Variants in EPHA3 observed in about 807,000 individuals in gnomAD.
The protein encoded by EPHA3 is ephrin type-A receptor 3.
In EPHA3, 42 loss-of-function variants were observed where a neutral mutation model predicts 107.1. The observed-to-expected ratio is 0.39, with a 90% CI of 0.31 to 0.51. The LOEUF (loss-of-function observed/expected upper bound fraction) is 0.51, where lower values mean the gene tolerates loss of function less well. Ranked by LOEUF, EPHA3 falls within the 20% of genes least tolerant of loss-of-function variation. The pLI is 0.78. For synonymous variants in EPHA3, 461 were observed against 424.8 expected (o/e 1.09, Z -1.05); for missense variants, 1,183 against 1,211.2 (o/e 0.98, Z 0.35).
chr3:89,472,415 A>G (rs756467552), intron 15 of EPHA3, 49 bp from the exon 16 acceptor site: 2 of 1,582,416 alleles, frequency 1.3e-6, no homozygotes, highest in Non-Finnish European at 1.7e-6. Flanking sequence ...ACACACAGCA[A>G]CTCTGCTGAC....
rs528006246 is a variant in EPHA3 at position 89,235,523 on chromosome 3, A to G, written c.814+25003A>G. 4.0e-4 allele frequency among the ~76,000 whole-genome samples: 61 copies of G among 152,140 alleles called. 1 individual carries two copies. Among genetic ancestry groups the G allele is most frequent in the Admixed American group, 3.7e-3 (57 of 15,290 alleles). On this transcript the variant is annotated intron_variant, in intron 3 of 16. Transcript: ENST00000336596. Reference sequence around the variant, plus strand: ...ATATTATAGATAATTCTTGCCTTTCATTTCTTCATATGCATGTAAGAGTGA... The same window carrying G: ...ATATTATAGATAATTCTTGCCTTTCGTTTCTTCATATGCATGTAAGAGTGA...
intron 2 of EPHA3, among the ~76,000 whole-genome samples, chr3:89,151,122 ACTG>A (rs746747269): frequency 1.3e-4 from 20 of 152,122 alleles, no homozygotes; most frequent in Non-Finnish European, 2.5e-4. Flanking sequence ...AAAAGGAACA[ACTG>A]ATGATGCATA....
intron 16 of EPHA3, 47 bp from the exon 17 acceptor site, chr3:89,479,350 T>C: frequency 2.7e-6 from 4 of 1,467,162 alleles, no homozygotes; most frequent in Non-Finnish European, 3.8e-6. Context: ...CTCCTGCTTA[T>C]ACACTATCGA....
At chr3:89,197,566 T>C (rs1188795695) in intron 2 of EPHA3, among the ~76,000 whole-genome samples, 1 of 152,200 alleles carries the variant, frequency 6.6e-6, no homozygotes, top group African/African-American at 2.4e-5. Flanking sequence ...AAGTCAAGTG[T>C]CTAATAAAAT....
intron 3 of EPHA3, among the ~76,000 whole-genome samples, chr3:89,217,159 G>C (rs1330974612): frequency 6.6e-6 from 1 of 152,102 alleles, no homozygotes; most frequent in Non-Finnish European, 1.5e-5. Context: ...TTACAGCTCT[G>C]ACAGCTGGCA....
chr3:89,195,791 C>T (rs1705824922), intron 2 of EPHA3, among the ~76,000 whole-genome samples: 1 of 152,144 alleles, frequency 6.6e-6, no homozygotes, highest in Admixed American at 6.6e-5. Context: ...CATTCCTCAT[C>T]TAGCCCATCC....
rs1186451494 is a variant in EPHA3, at chr3:89,368,456, G to A, written c.1306+26366G>A. On this transcript the variant is annotated intron_variant, in intron 5 of 16. Coordinates refer to ENST00000336596, the MANE Select transcript of EPHA3 (RefSeq NM_005233.6). ...AAGTTCCACAATCTGTTGCCTGGGA[G>A]CTAGAGAAATAGAAAAGACTGATAC... is the stretch of plus-strand genomic sequence containing the variant. 1.3e-5 allele frequency among the ~76,000 whole-genome samples: 2 copies of A among 150,412 alleles called. 1 individual carries two copies. Among genetic ancestry groups the A allele is most frequent in the Non-Finnish European group, 3.0e-5 (2 of 67,146 alleles).
chr3:89,358,832 G>T lies in EPHA3; in HGVS notation c.1306+16742G>T, dbSNP rs1427103495. ...TAAAGAGAAGGAAAGTAAATGAAAT[G>T]CTTTAAGTTATGTACAAATTCGATG... On this transcript the variant is annotated intron_variant, in intron 5 of 16. Transcript: ENST00000336596. 2.0e-5 allele frequency among the ~76,000 whole-genome samples: 3 copies of T among 151,226 alleles called. 1 individual carries two copies. The highest frequency in any genetic ancestry group is 3.0e-5 in the Non-Finnish European group (2 of 67,526).
intron 2 of EPHA3, among the ~76,000 whole-genome samples, chr3:89,198,869 T>C (rs1705904679): frequency 6.6e-6 from 1 of 152,186 alleles, no homozygotes; most frequent in Non-Finnish European, 1.5e-5. Context: ...TTCTAAGTAG[T>C]TGGTCATTTG....
At chr3:89,351,287 C>A (rs1278966113) in intron 5 of EPHA3, among the ~76,000 whole-genome samples, 5 of 151,294 alleles carry the variant, frequency 3.3e-5, no homozygotes, top group Non-Finnish European at 5.9e-5. Context: ...GGCGTAGGAC[C>A]CTCTGAGCCA....
At chr3:89,419,504 C>T in intron 11 of EPHA3, 114 bp downstream of exon 11, 6 of 863,980 alleles carry the variant, frequency 6.9e-6, no homozygotes, top group Non-Finnish European at 1.0e-5. Context: ...TCAGTTTTAC[C>T]AAAAAGAAAA....
intron 3 of EPHA3, among the ~76,000 whole-genome samples, chr3:89,326,171 T>G (rs1031757495): frequency 2.2e-4 from 33 of 151,970 alleles, no homozygotes; most frequent in African/African-American, 8.0e-4. Context: ...AATGAAGGAT[T>G]GGTTCCAGGA....
At chr3:89,293,782 T>C (rs929742687) in intron 3 of EPHA3, among the ~76,000 whole-genome samples, 3 of 152,204 alleles carry the variant, frequency 2.0e-5, no homozygotes, top group South Asian at 2.1e-4. Context: ...TGTGGAAATG[T>C]GAGTCAGTTA....
At chr3:89,408,217 A>C in intron 9 of EPHA3, 86 bp downstream of exon 9, 6 of 1,281,708 alleles carry the variant, frequency 4.7e-6, no homozygotes, top group Non-Finnish European at 6.7e-6. Context: ...CTTCCTCCTG[A>C]CAAAGAGACT....
chr3:89,169,774 T>C (rs1351871179), intron 2 of EPHA3, among the ~76,000 whole-genome samples: 1 of 152,242 alleles, frequency 6.6e-6, no homozygotes, highest in Non-Finnish European at 1.5e-5. Context: ...TCTTCAGTTT[T>C]ACTGGGATGT....
intron 1 of EPHA3, among the ~76,000 whole-genome samples, chr3:89,121,239 A>AAAATAAAT (rs10699426): frequency 9.3e-5 from 14 of 151,210 alleles, no homozygotes; most frequent in South Asian, 2.1e-4. Context: ...CCGTCTCAAA[A>AAAATAAAT]AAATAAATAA....
At chr3:89,175,351 C>G (rs1456871498) in intron 2 of EPHA3, among the ~76,000 whole-genome samples, 1 of 151,976 alleles carries the variant, frequency 6.6e-6, no homozygotes, top group Non-Finnish European at 1.5e-5. Context: ...TTTATACCAA[C>G]CATACCCAGA....
intron 3 of EPHA3, among the ~76,000 whole-genome samples, chr3:89,293,000 C>T (rs995138940): frequency 1.3e-5 from 2 of 152,148 alleles, no homozygotes; most frequent in African/African-American, 4.8e-5. Context: ...ATCTTCACCA[C>T]CCCTTTGTAT....
intron 3 of EPHA3, among the ~76,000 whole-genome samples, chr3:89,281,613 A>G (rs1407741945): frequency 6.6e-6 from 1 of 152,222 alleles, no homozygotes; most frequent in Non-Finnish European, 1.5e-5. Context: ...TAAATAATAT[A>G]TGCAATGCAA....
Sources: gnomAD v4.1 joint callset for allele counts (sites outside exome capture counted in the v4.1 genomes callset) on GRCh38, gnomAD v4.1.1 for gene constraint, MANE v1.5 for transcripts, NCBI Gene and HGNC (gene_info 2026-07-23, HGNC 2026-07-21) for gene names.